PHACTR1: variants seen among roughly 807,000 people sequenced by gnomAD.
The protein encoded by PHACTR1 is RPEL repeat containing 1.
In PHACTR1, 16 loss-of-function variants were observed where a neutral mutation model predicts 69.2. The ratio of observed to expected loss-of-function variants is 0.23; its 90% confidence interval spans 0.16 to 0.35. The LOEUF (loss-of-function observed/expected upper bound fraction) is 0.35, where lower values mean the gene tolerates loss of function less well. Ranked by LOEUF, PHACTR1 falls within the 10% of genes least tolerant of loss-of-function variation. The pLI is 1.00. For missense variants in PHACTR1, 510 were observed against 734.7 expected (o/e 0.69, Z 3.54); for synonymous variants, 312 against 284.5 (o/e 1.10, Z -0.97).
intron 4 of PHACTR1, among the ~76,000 whole-genome samples, chr6:12,801,575 G>T (rs961051819): frequency 2.6e-5 from 4 of 152,130 alleles, no homozygotes; most frequent in African/African-American, 9.7e-5. Context: ...AGAAGGGGGA[G>T]GAATTAATTG....
intron 5 of PHACTR1, among the ~76,000 whole-genome samples, chr6:13,085,945 A>G (rs73368186): frequency 0.076 from 11,529 of 151,894 alleles, 1,462 homozygotes; most frequent in African/African-American, 0.26. Context: ...AAGATTGAAA[A>G]GAGCCAAAAT....
At chr6:12,866,874 C>T (rs1312902329) in intron 4 of PHACTR1, among the ~76,000 whole-genome samples, 2 of 152,146 alleles carry the variant, frequency 1.3e-5, no homozygotes, top group African/African-American at 4.8e-5. Flanking sequence ...GCTGTTGAAC[C>T]GAAACAAAGC....
At chr6:13,062,939 G>A (rs960164786) in intron 5 of PHACTR1, among the ~76,000 whole-genome samples, 4 of 152,168 alleles carry the variant, frequency 2.6e-5, no homozygotes, top group African/African-American at 9.7e-5. Flanking sequence ...TTGAAAAAAT[G>A]GATGATTTTG....
At chr6:12,757,435 T>C (rs2127605218) in intron 4 of PHACTR1, among the ~76,000 whole-genome samples, 1 of 152,176 alleles carries the variant, frequency 6.6e-6, no homozygotes, top group East Asian at 1.9e-4. Context: ...ACTGCAGGGA[T>C]TTGCGCATAG....
At chr6:12,838,837 G>A (rs1778420454) in intron 4 of PHACTR1, among the ~76,000 whole-genome samples, 1 of 152,152 alleles carries the variant, frequency 6.6e-6, no homozygotes, top group African/African-American at 2.4e-5. Flanking sequence ...GTCAGCCTGG[G>A]CAGTTTGGCC....
chr6:13,184,522 T>C (rs1185190347), intron 7 of PHACTR1, among the ~76,000 whole-genome samples: 2 of 152,196 alleles, frequency 1.3e-5, no homozygotes, highest in Non-Finnish European at 2.9e-5. Flanking sequence ...TTTGAAATGG[T>C]CAAGTGTTTG....
intron 5 of PHACTR1, among the ~76,000 whole-genome samples, chr6:13,103,458 T>A (rs180971385): frequency 6.6e-6 from 1 of 152,376 alleles, no homozygotes; most frequent in East Asian, 1.9e-4. Context: ...AAGAAATTAT[T>A]CTTGAAATAA....
intron 4 of PHACTR1, among the ~76,000 whole-genome samples, chr6:12,949,742 G>C (rs1406334485): frequency 2.0e-5 from 3 of 152,104 alleles, no homozygotes; most frequent in African/African-American, 7.2e-5. Context: ...TTAAGATTTA[G>C]TATAAAAGTA....
chr6:12,916,792 G>C (rs962299553), intron 4 of PHACTR1, among the ~76,000 whole-genome samples: 5 of 152,084 alleles, frequency 3.3e-5, no homozygotes, highest in African/African-American at 1.2e-4. Context: ...TTAATATAAA[G>C]CATAATGTTG....
intron 4 of PHACTR1, among the ~76,000 whole-genome samples, chr6:12,757,513 G>A (rs973307474): frequency 7.9e-5 from 12 of 152,296 alleles, no homozygotes; most frequent in African/African-American, 2.6e-4. Context: ...AGACTAGAGA[G>A]GGGCACCGAA....
intron 4 of PHACTR1, among the ~76,000 whole-genome samples, chr6:12,770,191 G>A (rs550030806): frequency 6.6e-6 from 1 of 152,178 alleles, no homozygotes; most frequent in Non-Finnish European, 1.5e-5. Context: ...CCAGAGTGGG[G>A]ATAGCAAGAC....
At chr6:13,272,506 C>A in intron 10 of PHACTR1, 1 of 374,860 alleles carries the variant, frequency 2.7e-6, no homozygotes, top group East Asian at 6.2e-5. Flanking sequence ...GGCAAGAGGC[C>A]ACAGTCCCCA....
rs569758622 is a variant in PHACTR1 at position 13,082,559 on chromosome 6, C to T, written c.415+29030C>T. Reference sequence around the variant, plus strand: ...CAATGGTTGAACTAGTTTACAGTCCCACCAACAGTGTAAAAGTGTCCCTAT... The same window carrying T: ...CAATGGTTGAACTAGTTTACAGTCCTACCAACAGTGTAAAAGTGTCCCTAT... On this transcript the variant is annotated intron_variant, in intron 5 of 14. Coordinates refer to ENST00000332995, the MANE Select transcript of PHACTR1 (RefSeq NM_030948.6). 3.3e-5 allele frequency among the ~76,000 whole-genome samples: 5 copies of T among 152,268 alleles called. No individual in the cohort carries two copies. The South Asian group carries it at 1.0e-3, about 32-fold the overall frequency.
rs1460912425 is a variant in PHACTR1, at chr6:13,053,368, A to G, written c.254A>G (p.Glu85Gly). The G allele has an allele frequency of 1.3e-6, 2 of 1,595,824 alleles. No homozygotes were observed. Among genetic ancestry groups the G allele is most frequent in the Admixed American group, 1.7e-5 (1 of 57,350 alleles). ...ARISFNLGAA[E>G]EVERLAAMRS... ...TCTCTTTCTTGGAAATAACAAGCTG[A>G]GGAAGTGGAGAGGCTGGCGGCGATG... is the stretch of plus-strand genomic sequence containing the variant. Residue 85 changes from glutamate (E) to glycine (G), a missense_variant, in exon 5 of 15, where the codon GAG (glutamate) becomes GGG (glycine). Physicochemically the swap from Glu to Gly is moderately conservative, Grantham distance 98 (BLOSUM62 -2). Coordinates refer to ENST00000332995, the MANE Select transcript of PHACTR1 (RefSeq NM_030948.6).
intron 5 of PHACTR1, among the ~76,000 whole-genome samples, chr6:13,064,606 CTATATAT>C (rs1808308237): frequency 7.3e-5 from 1 of 13,724 alleles, no homozygotes; most frequent in Admixed American, 1.1e-3. Context: ...ATATATATAT[CTATATAT>C]CTATCTATCC....
intron 4 of PHACTR1, among the ~76,000 whole-genome samples, chr6:12,784,501 TAC>T (rs1771267364): frequency 6.6e-6 from 1 of 151,418 alleles, no homozygotes; most frequent in African/African-American, 2.4e-5. Context: ...CACACATATA[TAC>T]ATATGTATCT....
intron 3 of PHACTR1, among the ~76,000 whole-genome samples, chr6:12,747,648 A>G (rs1482445249): frequency 6.6e-6 from 1 of 152,146 alleles, no homozygotes; most frequent in African/African-American, 2.4e-5. Flanking sequence ...GTCTCAAAAC[A>G]AACAAAACTT....
At chr6:12,852,928 C>G (rs1481615541) in intron 4 of PHACTR1, among the ~76,000 whole-genome samples, 1 of 152,090 alleles carries the variant, frequency 6.6e-6, no homozygotes, top group African/African-American at 2.4e-5. Context: ...GGTGAGTACC[C>G]AAATTCATCA....
rs541532560 is a variant in PHACTR1 at position 13,232,351 on chromosome 6, A to G, written c.1391+2158A>G. ...TTAACTTGGTTTCCTCTTGGAGGAT[A>G]TTGTAATGGTACAGGGCTTTGTAAA... On this transcript the variant is annotated intron_variant, in intron 10 of 14. Transcript: ENST00000332995. 3.2e-4 allele frequency among the ~76,000 whole-genome samples: 49 copies of G among 152,286 alleles called. 1 individual carries two copies. In the South Asian group the frequency reaches 7.2e-3, roughly 23 times the overall value.
Sources: allele counts gnomAD v4.1 joint callset (sites outside exome capture counted in the v4.1 genomes callset), GRCh38; gene constraint gnomAD v4.1.1; transcripts MANE v1.5; gene names NCBI Gene and HGNC (gene_info 2026-07-23, HGNC 2026-07-21).